C1orf159: variants seen among roughly 807,000 people sequenced by gnomAD.
The protein encoded by C1orf159 is chromosome 1 open reading frame 159, also known as uncharacterized protein C1orf159.
C1orf159 carries 19 observed loss-of-function variants against 25.6 expected under a neutral mutation model. That is an observed-to-expected ratio of 0.74 (90% confidence interval 0.52 to 1.09). The LOEUF (loss-of-function observed/expected upper bound fraction) is 1.09. Ranked by LOEUF, C1orf159 falls within the 50% of genes least tolerant of loss-of-function variation. The pLI, the probability that C1orf159 is intolerant of heterozygous loss-of-function variation, is 0.00. For synonymous variants in C1orf159, 139 were observed against 124.7 expected (o/e 1.12, Z -0.77); for missense variants, 274 against 290.6 (o/e 0.94, Z 0.42).
rs532633963 is a variant in C1orf159 at position 1,090,497 on chromosome 1, G to A, written c.73-69C>T. ...GCAGGCTCACGCCCAGAGCAGCAGC[G>A]GCTGAGGGGTGCCGTGGGAGCACAT... is the stretch of plus-strand genomic sequence containing the variant. On this transcript the variant is annotated intron_variant, in intron 3 of 9. Transcript: ENST00000421241. 1.7e-4 allele frequency: 255 copies of A among 1,470,654 alleles called. No individual in the cohort carries two copies. In the African/African-American group the frequency reaches 2.4e-3, roughly 14 times the overall value. 91.1% of individuals were successfully genotyped at this position (1,470,654 alleles called of 1,614,324 possible).
At chr1:1,088,199 G>GCC (rs1336686004) in intron 4 of C1orf159, among the ~76,000 whole-genome samples, 1 of 38,450 alleles carries the variant, frequency 2.6e-5, no homozygotes, top group African/African-American at 1.3e-4. Flanking sequence ...CCTCCCCCAG[G>GCC]ACCCCCCCCC....
At position 1,085,960 on chromosome 1, in the gene C1orf159, G is replaced by A. The variant is rs370347843; in HGVS notation, c.363C>T (p.Ser121=). The A allele has an allele frequency of 2.8e-5, 45 of 1,613,284 alleles. No individual in the cohort carries two copies. Among genetic ancestry groups the A allele is most frequent in the South Asian group, 1.4e-4 (13 of 91,082 alleles). ...ACCCAGCTACGGAGAGGATGAGGCC[G>A]GAGCTAATGAAGAACGTGCCCAGGA... ...SLFLGTFFIS[S]GLILSVAGFF... Residue 121 remains serine, a synonymous_variant, in exon 7 of 10, where the codon TCC becomes TCT. Coordinates refer to ENST00000421241, the MANE Select transcript of C1orf159 (RefSeq NM_017891.5).
rs36030198 is a variant in C1orf159 at position 1,108,520 on chromosome 1, C to T, written c.-136+7540G>A. Among the ~76,000 whole-genome samples, 745 of 86,290 alleles carry T rather than the reference C, an allele frequency of 8.6e-3. 3 individuals are homozygous for T. Among genetic ancestry groups the T allele is most frequent in the African/African-American group, 0.022 (269 of 12,216 alleles). The allele number at this position is 86,290 out of a possible 152,430, so 56.6% of individuals were successfully genotyped here. A position where few individuals can be genotyped will look rare whatever the true frequency, so the allele number is the denominator to read the frequency against. On this transcript the variant is annotated intron_variant, in intron 1 of 9. Coordinates refer to ENST00000421241, the MANE Select transcript of C1orf159 (RefSeq NM_017891.5). ...AGCCACCATGTCTCGGCAGCACCGTCCACCACAGCCACCATGTCTCGGCAC... is the reference window on the plus strand; with the variant it reads ...AGCCACCATGTCTCGGCAGCACCGTTCACCACAGCCACCATGTCTCGGCAC...
At chr1:1,090,678 G>A in intron 3 of C1orf159, 1 of 697,672 alleles carries the variant, frequency 1.4e-6, no homozygotes, top group Non-Finnish European at 2.5e-6. Context: ...GCCTGGAAGA[G>A]TAAACCACCC....
chr1:1,097,541 T>C (rs1646024788), intron 1 of C1orf159, among the ~76,000 whole-genome samples: 1 of 151,648 alleles, frequency 6.6e-6, no homozygotes, highest in Non-Finnish European at 1.5e-5. Context: ...GCCTTCTGAC[T>C]AGCCAGGACT....
chr1:1,102,614 TAAAAAAAAAAAA>T (rs1170365187), intron 1 of C1orf159, among the ~76,000 whole-genome samples: 21 of 34,132 alleles, frequency 6.2e-4, no homozygotes, highest in Non-Finnish European at 8.6e-4. Context: ...CTGTCTCTAC[TAAAAAAAAAAAA>T]AAAAAAAAAA....
intron 6 of C1orf159, 118 bp from the exon 7 acceptor site, chr1:1,086,130 G>A (rs995823386): frequency 3.3e-5 from 43 of 1,292,436 alleles, no homozygotes; most frequent in South Asian, 8.5e-5. Flanking sequence ...TGAGCCTCAC[G>A]GGACCGGCTG....
At chr1:1,090,978 C>CT in intron 3 of C1orf159, 1 of 1,549,864 alleles carries the variant, frequency 6.5e-7, no homozygotes, top group Non-Finnish European at 8.7e-7. Context: ...TGCTGTTTCT[C>CT]GTGACCTGAA....
At chr1:1,083,306 C>T (rs939044485) in intron 9 of C1orf159, 6 of 327,812 alleles carry the variant, frequency 1.8e-5, no homozygotes, top group African/African-American at 1.3e-4. Flanking sequence ...CAGGGGGCGA[C>T]AAGCAGGCCG....
intron 1 of C1orf159, among the ~76,000 whole-genome samples, chr1:1,107,723 C>T (rs1370058456): frequency 6.6e-6 from 1 of 152,160 alleles, no homozygotes; most frequent in African/African-American, 2.4e-5. Context: ...CTGCCGGAGC[C>T]AGCAGCAGCA....
At position 1,083,882 on chromosome 1, in the gene C1orf159, G is replaced by A. The variant is rs1286543917; in HGVS notation, c.502+471C>T. The A allele has an allele frequency of 4.6e-6, 7 of 1,535,012 alleles. No homozygotes were observed. In the South Asian group the frequency reaches 8.4e-5, roughly 18 times the overall value. On this transcript the variant is annotated intron_variant, in intron 9 of 9. Coordinates refer to ENST00000421241, the MANE Select transcript of C1orf159 (RefSeq NM_017891.5). ...GCTGTGCGCCGGTCACTCAGCCTGT[G>A]TCTGTGGCCCCGCACATAAAATGGG...
intron 1 of C1orf159, among the ~76,000 whole-genome samples, chr1:1,113,529 A>G (rs1646290216): frequency 6.6e-6 from 1 of 152,082 alleles, no homozygotes; most frequent in Non-Finnish European, 1.5e-5. Context: ...AGTAGCTGGG[A>G]CTGTTAGTGG....
rs766560366 is a variant in C1orf159, at chr1:1,104,760, G to A, written c.-136+11300C>T. The stretch of plus-strand genomic sequence containing the variant: ...AAGTGCAGACGCATTCAAGCTGGTC[G>A]AGCCGGGAACGCACCTGCACTCCAG... On this transcript the variant is annotated intron_variant, in intron 1 of 9. Transcript: ENST00000421241. Among the ~76,000 whole-genome samples, 19 of 152,078 alleles carry A rather than the reference G, an allele frequency of 1.2e-4. No homozygotes were observed. In the East Asian group the frequency reaches 1.5e-3, roughly 12 times the overall value.
At chr1:1,085,777 C>T (rs903153939) in intron 7 of C1orf159, 101 bp downstream of exon 7, 59 of 1,450,838 alleles carry the variant, frequency 4.1e-5, no homozygotes, top group Admixed American at 1.7e-4. Flanking sequence ...CCTCTGCCAG[C>T]CTGCTCTGGC....
chr1:1,091,445 G>C, intron 3 of C1orf159, 27 bp downstream of exon 3: 1 of 1,544,672 alleles, frequency 6.5e-7, no homozygotes, highest in Non-Finnish European at 8.8e-7. Flanking sequence ...GGCTTAGGCC[G>C]CGTGGACACG....
intron 3 of C1orf159, 51 bp downstream of exon 3, chr1:1,091,414 ACCGCCCT>A (rs566418987): frequency 0.014 from 20,414 of 1,451,406 alleles, 189 homozygotes; most frequent in Non-Finnish European, 0.017. Context: ...GGAAGGGCCC[ACCGCCCT>A]CCACAGAGGC....
At chr1:1,084,074 G>A (rs770303934) in intron 9 of C1orf159, 7 of 1,606,890 alleles carry the variant, frequency 4.4e-6, no homozygotes, top group Non-Finnish European at 5.1e-6. Flanking sequence ...CTCCTTTCCT[G>A]CAGACCCCAC....
At chr1:1,107,665 G>A (rs1646192446) in intron 1 of C1orf159, among the ~76,000 whole-genome samples, 1 of 152,182 alleles carries the variant, frequency 6.6e-6, no homozygotes, top group African/African-American at 2.4e-5. Flanking sequence ...TGTAAAATGG[G>A]CCAATCAACA....
At position 1,082,932 on chromosome 1, in the gene C1orf159, G is replaced by T. The variant is rs368214678; in HGVS notation, c.558C>A (p.Pro186=). ...RERPLDRATD[P]AAFPGEARIS... The stretch of plus-strand genomic sequence containing the variant: ...TACGGGCCTCCCCCGGGAAGGCAGC[G>T]GGATCCGTGGCCCTGTCCAGGGGCC... The change falls in exon 10 of 10, where the codon CCC becomes CCA. Residue 186 remains proline, a synonymous_variant. Transcript: ENST00000421241. 1 of 1,603,720 alleles carries T rather than the reference G, an allele frequency of 6.2e-7. No homozygotes were observed. The highest frequency in any genetic ancestry group is 1.1e-5 in the South Asian group (1 of 89,250).
Sources: gnomAD v4.1 joint callset for allele counts (sites outside exome capture counted in the v4.1 genomes callset) on GRCh38, gnomAD v4.1.1 for gene constraint, MANE v1.5 for transcripts, NCBI Gene and HGNC (gene_info 2026-07-23, HGNC 2026-07-21) for gene names.